CALCR: variants seen among roughly 807,000 people sequenced by gnomAD.
CALCR encodes the protein calcitonin receptor.
Under a neutral mutation model 59.5 loss-of-function variants are expected in CALCR, and 47 were observed. That is an observed-to-expected ratio of 0.79 (90% CI 0.63 to 1.01). The LOEUF (loss-of-function observed/expected upper bound fraction) is 1.01, where lower values mean the gene tolerates loss of function less well. CALCR is among the 50% of genes least tolerant of loss of function. The pLI is 0.00. For missense variants in CALCR, 566 were observed against 597.1 expected, an observed-to-expected ratio of 0.95 and a Z score of 0.54; for synonymous variants, 213 against 211.3, an observed-to-expected ratio of 1.01 and a Z score of -0.07.
intron 2 of CALCR, among the ~76,000 whole-genome samples, chr7:93,542,563 A>C (rs1346103808): frequency 6.6e-6 from 1 of 152,150 alleles, no homozygotes; most frequent in African/African-American, 2.4e-5. Flanking sequence ...CTTATGAAAA[A>C]AATTTTTCTT....
At chr7:93,545,583 C>G (rs1318751015) in intron 2 of CALCR, among the ~76,000 whole-genome samples, 1 of 151,986 alleles carries the variant, frequency 6.6e-6, no homozygotes, top group East Asian at 1.9e-4. Context: ...TAGCCAGGAC[C>G]CTGAGAACAT....
chr7:93,528,149 C>A (rs916178856), intron 2 of CALCR, among the ~76,000 whole-genome samples: 1 of 152,126 alleles, frequency 6.6e-6, no homozygotes, highest in Non-Finnish European at 1.5e-5. Context: ...ACACTTCTAA[C>A]AAAGATTGAT....
chr7:93,459,319 G>C (rs1469766404), intron 8 of CALCR, among the ~76,000 whole-genome samples: 1 of 152,188 alleles, frequency 6.6e-6, no homozygotes, highest in Non-Finnish European at 1.5e-5. Flanking sequence ...ACCTGAATTT[G>C]AGTGCCTGCT....
intron 2 of CALCR, among the ~76,000 whole-genome samples, chr7:93,509,314 G>T (rs1801495862): frequency 6.6e-6 from 1 of 152,064 alleles, no homozygotes; most frequent in Admixed American, 6.6e-5. Flanking sequence ...TCCTAGAGTT[G>T]CAGGCAACTC....
intron 9 of CALCR, chr7:93,441,492 G>A: frequency 4.4e-6 from 2 of 454,914 alleles, no homozygotes; most frequent in South Asian, 3.1e-5. Context: ...TTGAGAGGGT[G>A]TACATACGGA....
intron 11 of CALCR, among the ~76,000 whole-genome samples, chr7:93,436,600 T>C (rs1319110182): frequency 2.0e-5 from 3 of 152,164 alleles, no homozygotes; most frequent in African/African-American, 7.2e-5. Context: ...TTTTGTCTTT[T>C]CAGTCTTTAA....
chr7:93,496,107 G>C, intron 2 of CALCR: 1 of 556,444 alleles, frequency 1.8e-6, no homozygotes, highest in Non-Finnish European at 3.1e-6. Context: ...AGTACAAAAT[G>C]TCAATGTCTG....
intron 8 of CALCR, among the ~76,000 whole-genome samples, chr7:93,459,328 C>T (rs1013359218): frequency 2.0e-5 from 3 of 152,176 alleles, no homozygotes; most frequent in African/African-American, 4.8e-5. Flanking sequence ...TGAGTGCCTG[C>T]TCCCCGCTCC....
chr7:93,447,296 G>C (rs1044523467), intron 8 of CALCR, among the ~76,000 whole-genome samples: 1 of 151,956 alleles, frequency 6.6e-6, no homozygotes, highest in Non-Finnish European at 1.5e-5. Flanking sequence ...GAAGATAGAT[G>C]TTCAGTAGTG....
In CALCR at chr7:93,443,603, C is replaced by T; in HGVS notation, c.802+1G>A. ...AAAACTTAGCTGCAGAAAATACATA[C>T]CCCAGCCCAAGAGATAATACCACCG... On this transcript the variant is annotated splice_donor_variant, in intron 9 of 13. Coordinates refer to ENST00000426151, the MANE Select transcript of CALCR (RefSeq NM_001742.4). LOFTEE classifies it high-confidence loss of function. 6.2e-7 allele frequency: 1 copy of T among 1,612,324 alleles called. No homozygotes were observed.
At chr7:93,558,134 T>C (rs1450084128) in intron 2 of CALCR, among the ~76,000 whole-genome samples, 1 of 151,738 alleles carries the variant, frequency 6.6e-6, no homozygotes, top group East Asian at 1.9e-4. Flanking sequence ...ACACCTTTTT[T>C]TTTTTTTTAC....
At chr7:93,517,317 A>ATCTTTTTTTTTTTTT (rs1554404282) in intron 2 of CALCR, among the ~76,000 whole-genome samples, 9 of 127,852 alleles carry the variant, frequency 7.0e-5, no homozygotes, top group African/African-American at 2.8e-4. Context: ...TTTTTTTTTA[A>ATCTTTTTTTTTTTTT]TTTGCTAGCC....
chr7:93,486,412 G>C (rs1034327135), intron 3 of CALCR, among the ~76,000 whole-genome samples: 3 of 151,516 alleles, frequency 2.0e-5, no homozygotes, highest in African/African-American at 7.3e-5. Context: ...TAGAATAATA[G>C]TGGTATATAA....
chr7:93,441,636 A>T (rs1364468113), intron 9 of CALCR: 4 of 424,806 alleles, frequency 9.4e-6, no homozygotes, highest in Non-Finnish European at 1.9e-5. Context: ...AGAACCTGTT[A>T]CCTGATGTGG....
In CALCR at chr7:93,438,273, A is replaced by G. The variant is rs193065295; in HGVS notation, c.803-3T>C. On this transcript the variant is annotated splice_region_variant and splice_polypyrimidine_tract_variant and intron_variant, in intron 9 of 13. Coordinates refer to ENST00000426151, the MANE Select transcript of CALCR (RefSeq NM_001742.4). ...AGTGGTTGGCACCAGCGGGAACCCT[A>G]CAAATGTGAAAAGTACAAATCACAC... 40 of 1,610,238 alleles carry G rather than the reference A, an allele frequency of 2.5e-5. No individual in the cohort carries two copies. In the African/African-American group the frequency reaches 4.9e-4, roughly 20 times the overall value.
chr7:93,487,206 G>T (rs903684125), intron 2 of CALCR, among the ~76,000 whole-genome samples, 199 bp from the exon 3 acceptor site: 2 of 151,250 alleles, frequency 1.3e-5, no homozygotes, highest in East Asian at 3.9e-4. Context: ...CAACTAGATT[G>T]TTATACCTGA....
chr7:93,448,555 G>A (rs941850908), intron 8 of CALCR, among the ~76,000 whole-genome samples: 18 of 151,994 alleles, frequency 1.2e-4, no homozygotes, highest in Admixed American at 9.2e-4. Flanking sequence ...GTTACCTTCC[G>A]GTGGGGAGAC....
At position 93,486,371 on chromosome 7, in the gene CALCR, A is replaced by G. The variant is rs374073198; in HGVS notation, c.51+560T>C. Among the ~76,000 whole-genome samples the G allele has an allele frequency of 7.3e-4, 111 of 151,754 alleles. 1 individual carries two copies. In the East Asian group the frequency reaches 0.016, roughly 22 times the overall value. On this transcript the variant is annotated intron_variant, in intron 3 of 13. Coordinates refer to ENST00000426151, the MANE Select transcript of CALCR (RefSeq NM_001742.4). ...AAACAATATAGAATTACACAAACTG[A>G]ACATAATTTAAAAGATTGGAGAAAG...
At chr7:93,461,494 T>G (rs933211838) in intron 7 of CALCR, among the ~76,000 whole-genome samples, 1 of 152,110 alleles carries the variant, frequency 6.6e-6, no homozygotes, top group Admixed American at 6.6e-5. Flanking sequence ...GATCTTATAT[T>G]TCAACTAGAA....
Sources: gnomAD v4.1 joint callset for allele counts (sites outside exome capture counted in the v4.1 genomes callset) on GRCh38, gnomAD v4.1.1 for gene constraint, MANE v1.5 for transcripts, NCBI Gene and HGNC (gene_info 2026-07-23, HGNC 2026-07-21) for gene names.